MCF2L2: variants seen among roughly 807,000 people sequenced by gnomAD.
MCF2L2 encodes the protein probable guanine nucleotide exchange factor MCF2L2.
In MCF2L2, 102 loss-of-function variants were observed where a neutral mutation model predicts 150.2. The ratio of observed to expected loss-of-function variants is 0.68; its 90% CI spans 0.58 to 0.80. The LOEUF (loss-of-function observed/expected upper bound fraction) is 0.80, where lower values mean the gene tolerates loss of function less well. Ranked by LOEUF, MCF2L2 falls within the 30% of genes least tolerant of loss-of-function variation. MCF2L2 has a pLI of 0.00. For synonymous variants in MCF2L2, 465 were observed against 491.3 expected (o/e 0.95, Z 0.71); for missense variants, 1,256 against 1,372.8 (o/e 0.91, Z 1.34).
intron 20 of MCF2L2, 30 bp downstream of exon 20, chr3:183,223,316 C>A (rs1456148798): frequency 6.4e-7 from 1 of 1,556,816 alleles, no homozygotes; most frequent in Non-Finnish European, 8.9e-7. Flanking sequence ...GGTTTCCCAC[C>A]AAGGAAAAGC....
intron 1 of MCF2L2, among the ~76,000 whole-genome samples, chr3:183,400,854 T>TA (rs891648083): frequency 6.6e-4 from 98 of 149,528 alleles, no homozygotes; most frequent in African/African-American, 1.8e-3. Context: ...AAGGATGATT[T>TA]AAAAAAAAAA....
intron 3 of MCF2L2, among the ~76,000 whole-genome samples, chr3:183,364,889 G>T (rs1712435952): frequency 6.6e-6 from 1 of 152,048 alleles, no homozygotes; most frequent in Non-Finnish European, 1.5e-5. Flanking sequence ...CGTTATCAAG[G>T]CCCAGATGGT....
intron 3 of MCF2L2, among the ~76,000 whole-genome samples, chr3:183,352,919 T>A (rs1046681593): frequency 1.3e-5 from 2 of 152,228 alleles, no homozygotes; most frequent in African/African-American, 4.8e-5. Flanking sequence ...AGGCAAAATC[T>A]ACTCTTTAGA....
chr3:183,216,116 T>C (rs1380426376), intron 21 of MCF2L2, 22 bp from the exon 22 acceptor site: 10 of 1,610,424 alleles, frequency 6.2e-6, no homozygotes, highest in African/African-American at 5.4e-5. Flanking sequence ...AAATGCCTTG[T>C]TGGAAATCAA....
chr3:183,181,211 A>C lies in MCF2L2; in HGVS notation c.3017-1052T>G, dbSNP rs1174814909. On this transcript the variant is annotated intron_variant, in intron 27 of 29. Coordinates refer to ENST00000328913, the MANE Select transcript of MCF2L2 (RefSeq NM_015078.4). The surrounding 1 kb of genome is among the most constrained non-coding windows in gnomAD (Gnocchi z 4.3). ...GCTGCAGTTATCTGGGTGAGCAGGC[A>C]GCACAAGTAGCGTCTCCTGGGCTGC... Among the ~76,000 whole-genome samples, 1 of 152,118 alleles carries C rather than the reference A, an allele frequency of 6.6e-6. No homozygotes were observed. Among genetic ancestry groups the C allele is most frequent in the Non-Finnish European group, 1.5e-5 (1 of 68,016 alleles).
At chr3:183,201,767 T>A (rs1226589548) in intron 25 of MCF2L2, among the ~76,000 whole-genome samples, 1 of 152,200 alleles carries the variant, frequency 6.6e-6, no homozygotes, top group Non-Finnish European at 1.5e-5. Flanking sequence ...GGGTTTGTCA[T>A]AAATAGTTCT....
chr3:183,381,602 AGT>A (rs1005292568), intron 2 of MCF2L2, among the ~76,000 whole-genome samples: 20 of 152,098 alleles, frequency 1.3e-4, no homozygotes, highest in African/African-American at 4.3e-4. Context: ...GTCTCTTGTG[AGT>A]GTTGTTAATA....
chr3:183,180,936 G>A (rs1027112386), intron 27 of MCF2L2, among the ~76,000 whole-genome samples: 1 of 152,224 alleles, frequency 6.6e-6, no homozygotes, highest in African/African-American at 2.4e-5. Context: ...GAGTGAGATG[G>A]AGTCTCTGCC....
At chr3:183,292,697 T>A (rs1728232564) in intron 13 of MCF2L2, among the ~76,000 whole-genome samples, 1 of 152,140 alleles carries the variant, frequency 6.6e-6, no homozygotes, top group Non-Finnish European at 1.5e-5. Context: ...ATATTTATGA[T>A]AAGAATAGCA....
At chr3:183,389,918 G>A in intron 1 of MCF2L2, 139 bp from the exon 2 acceptor site, 1 of 664,884 alleles carries the variant, frequency 1.5e-6, no homozygotes, top group Non-Finnish European at 2.7e-6. Context: ...ATTCCCTTGA[G>A]AACTTGATTG....
intron 15 of MCF2L2, among the ~76,000 whole-genome samples, chr3:183,274,212 C>CAA (rs141319160): frequency 7.1e-5 from 9 of 126,772 alleles, no homozygotes; most frequent in South Asian, 2.5e-4. Context: ...GAGACTGTCT[C>CAA]AAAAAAAAAA....
intron 1 of MCF2L2, among the ~76,000 whole-genome samples, chr3:183,393,132 G>A (rs1424823325): frequency 6.6e-6 from 1 of 151,980 alleles, no homozygotes; most frequent in Non-Finnish European, 1.5e-5. Flanking sequence ...ACAGAGGTCT[G>A]TGGAGGCTTC....
intron 26 of MCF2L2, among the ~76,000 whole-genome samples, chr3:183,193,897 A>G (rs1420859804): frequency 6.6e-6 from 1 of 152,198 alleles, no homozygotes; most frequent in African/African-American, 2.4e-5. Context: ...TGATTATTCA[A>G]TGAGTGCTTT....
At chr3:183,273,323 A>G (rs766756215) in intron 15 of MCF2L2, 1 of 267,720 alleles carries the variant, frequency 3.7e-6, no homozygotes, top group African/African-American at 2.2e-5. Flanking sequence ...TTGCTCTTGT[A>G]TGGCAAAATA....
chr3:183,200,842 G>A (rs1722253366), intron 25 of MCF2L2, among the ~76,000 whole-genome samples: 2 of 152,104 alleles, frequency 1.3e-5, no homozygotes, highest in African/African-American at 4.8e-5. Context: ...TTCTACATAT[G>A]GCTAGCCAGT....
chr3:183,197,935 G>C lies in MCF2L2; in HGVS notation c.2885-2680C>G, dbSNP rs1007942151. Among the ~76,000 whole-genome samples, 1 of 152,120 alleles carries C rather than the reference G, an allele frequency of 6.6e-6. No homozygotes were observed. The highest frequency in any genetic ancestry group is 1.5e-5 in the Non-Finnish European group (1 of 68,016). ...AAATTTAAAAGACTGACAATACCAA[G>C]TATTGGTGAGGACATGGCACAAGTG... On this transcript the variant is annotated intron_variant, in intron 25 of 29. Transcript: ENST00000328913. This position sits in a 1 kb window ranked among gnomAD's most constrained non-coding sequence, Gnocchi z 4.5.
chr3:183,306,115 C>T (rs189104679), intron 10 of MCF2L2, among the ~76,000 whole-genome samples: 11 of 152,334 alleles, frequency 7.2e-5, no homozygotes, highest in Admixed American at 7.2e-4. Flanking sequence ...TAGGGTCATA[C>T]AGCTGGTACT....
chr3:183,262,627 G>A (rs1725720262), intron 15 of MCF2L2, among the ~76,000 whole-genome samples: 1 of 151,872 alleles, frequency 6.6e-6, no homozygotes, highest in Admixed American at 6.6e-5. Flanking sequence ...GAGCCCATGA[G>A]GAGGCGGCCC....
At chr3:183,222,541 T>C (rs1206807322) in intron 20 of MCF2L2, among the ~76,000 whole-genome samples, 3 of 152,154 alleles carry the variant, frequency 2.0e-5, no homozygotes, top group Non-Finnish European at 1.5e-5. Flanking sequence ...AGTCTCACTC[T>C]GTCTCAAAAA....
Sources: allele counts gnomAD v4.1 joint callset (sites outside exome capture counted in the v4.1 genomes callset), GRCh38; gene constraint gnomAD v4.1.1; non-coding constraint Gnocchi (gnomAD v3.1); transcripts MANE v1.5; gene names NCBI Gene and HGNC (gene_info 2026-07-23, HGNC 2026-07-21).